Variants in ZDHHC17 observed in about 807,000 individuals in gnomAD.
ZDHHC17 encodes zDHHC palmitoyltransferase 17, also known as palmitoyltransferase ZDHHC17.
Under a neutral mutation model 90.3 loss-of-function variants are expected in ZDHHC17, and 40 were observed. That is an observed-to-expected ratio of 0.44 (90% CI 0.34 to 0.58). The LOEUF (loss-of-function observed/expected upper bound fraction) is 0.58, where lower values mean the gene tolerates loss of function less well. Ranked by LOEUF, ZDHHC17 falls within the 20% of genes least tolerant of loss-of-function variation. The pLI, the probability that ZDHHC17 is intolerant of heterozygous loss-of-function variation, is 0.01. For missense variants in ZDHHC17, 614 were observed against 780.8 expected (o/e 0.79, Z 2.55); for synonymous variants, 235 against 252.4 (o/e 0.93, Z 0.65).
chr12:76,792,183 G>C (rs991688727), intron 1 of ZDHHC17, among the ~76,000 whole-genome samples: 1 of 152,046 alleles, frequency 6.6e-6, no homozygotes, highest in East Asian at 1.9e-4. Context: ...TCCACTCCAG[G>C]TCACTTCATT....
At chr12:76,814,013 A>C (rs961970379) in intron 5 of ZDHHC17, among the ~76,000 whole-genome samples, 2 of 151,974 alleles carry the variant, frequency 1.3e-5, no homozygotes, top group African/African-American at 4.8e-5. Flanking sequence ...TCGATCATCT[A>C]CTCTGCTGGG....
chr12:76,810,053 GATA>G (rs1273330025), intron 5 of ZDHHC17, among the ~76,000 whole-genome samples, 196 bp downstream of exon 5: 1 of 152,116 alleles, frequency 6.6e-6, no homozygotes, highest in Non-Finnish European at 1.5e-5. Flanking sequence ...TCATGAACCA[GATA>G]ATGATGAAGT....
In ZDHHC17 at chr12:76,806,859, G is replaced by A. The variant is rs867644041; in HGVS notation, c.320+1420G>A. ...AAATGAACTACTTGCTATGTTAAGT[G>A]CAACACACGGAGTGTAGAGACAAGT... is the stretch of plus-strand genomic sequence containing the variant. On this transcript the variant is annotated intron_variant, in intron 3 of 16. Coordinates refer to ENST00000426126, the MANE Select transcript of ZDHHC17 (RefSeq NM_015336.4). Among the ~76,000 whole-genome samples the A allele has an allele frequency of 1.2e-4, 19 of 152,376 alleles. 1 individual carries two copies. In the Middle Eastern group the frequency reaches 0.014, roughly 109 times the overall value.
intron 1 of ZDHHC17, among the ~76,000 whole-genome samples, chr12:76,778,442 C>G (rs888239856): frequency 1.3e-5 from 2 of 152,104 alleles, no homozygotes; most frequent in African/African-American, 2.4e-5. Flanking sequence ...AGGCTGGTCT[C>G]AAACTCATGA....
At chr12:76,767,687 A>AGGCG (rs1952447110) in intron 1 of ZDHHC17, among the ~76,000 whole-genome samples, 1 of 152,182 alleles carries the variant, frequency 6.6e-6, no homozygotes, top group Non-Finnish European at 1.5e-5. Flanking sequence ...AGGGAGGCCG[A>AGGCG]GGCGGGCGGA....
Position 76,786,122 on chromosome 12 carries a change from CTT to C in ZDHHC17, c.94-11300_94-11299del, listed in dbSNP as rs36021075. ...TTCTTTTTCTTTCTTTTCTTTCTTT[CTT>C]TTTTTTTTTTTAAAGAGATGGGATC... On this transcript the variant is annotated intron_variant, in intron 1 of 16. Coordinates refer to ENST00000426126, the MANE Select transcript of ZDHHC17 (RefSeq NM_015336.4). 2.8e-3 allele frequency among the ~76,000 whole-genome samples: 408 copies of C among 144,676 alleles called. 1 individual carries two copies. Among genetic ancestry groups the C allele is most frequent in the African/African-American group, 8.6e-3 (341 of 39,448 alleles). 94.9% of individuals were successfully genotyped at this position (144,676 alleles called of 152,430 possible). A position where few individuals can be genotyped will look rare whatever the true frequency, so the allele number is the denominator to read the frequency against.
chr12:76,774,352 G>T (rs185581419), intron 1 of ZDHHC17, among the ~76,000 whole-genome samples: 2 of 146,418 alleles, frequency 1.4e-5, no homozygotes, highest in Admixed American at 6.8e-5. Flanking sequence ...ACACACACAC[G>T]CCCCCCCACC....
intron 1 of ZDHHC17, among the ~76,000 whole-genome samples, chr12:76,773,918 C>T (rs1225364840): frequency 1.3e-5 from 2 of 152,052 alleles, no homozygotes; most frequent in Admixed American, 1.3e-4. Context: ...TTCTTTTATT[C>T]AGTCTATTCT....
Position 76,841,978 on chromosome 12 carries a change from G to T in ZDHHC17, c.1142-4G>T. On this transcript the variant is annotated splice_region_variant and splice_polypyrimidine_tract_variant and intron_variant, in intron 10 of 16. Transcript: ENST00000426126. The stretch of plus-strand genomic sequence containing the variant: ...GCTTCTTTAGATTCCTTAACCTTAG[G>T]CACATCTCAACTTTTTATTTATCCA... 6.5e-7 allele frequency: 1 copy of T among 1,546,740 alleles called. No homozygotes were observed. Among genetic ancestry groups the T allele is most frequent in the Non-Finnish European group, 8.7e-7 (1 of 1,148,190 alleles).
chr12:76,766,505 A>G (rs1223435344), intron 1 of ZDHHC17, among the ~76,000 whole-genome samples: 1 of 152,214 alleles, frequency 6.6e-6, no homozygotes, highest in Non-Finnish European at 1.5e-5. Context: ...CTGAGATAAT[A>G]TGTTTTTGTT....
chr12:76,764,964 G>A (rs1952415243), intron 1 of ZDHHC17, among the ~76,000 whole-genome samples: 1 of 152,154 alleles, frequency 6.6e-6, no homozygotes. Context: ...AGGAGCTAGG[G>A]GTGGACAGTG....
At chr12:76,795,492 T>C (rs1016375360) in intron 1 of ZDHHC17, among the ~76,000 whole-genome samples, 4 of 152,176 alleles carry the variant, frequency 2.6e-5, no homozygotes, top group Admixed American at 2.6e-4. Context: ...TTCAGGTATC[T>C]TACAGCCATA....
intron 7 of ZDHHC17, among the ~76,000 whole-genome samples, chr12:76,819,860 G>T (rs1167014609): frequency 6.6e-6 from 1 of 152,076 alleles, no homozygotes; most frequent in African/African-American, 2.4e-5. Context: ...GGGCGTGGTG[G>T]TACATGTCTG....
At position 76,813,529 on chromosome 12, in the gene ZDHHC17, A is replaced by G. The variant is rs1240841292; in HGVS notation, c.544-1617A>G. ...GGTTCTCAGATTTTTTTTCTTCAAT[A>G]TGCTTAGATAATGTTCACATTTGAG... is the stretch of plus-strand genomic sequence containing the variant. On this transcript the variant is annotated intron_variant, in intron 5 of 16. Coordinates refer to ENST00000426126, the MANE Select transcript of ZDHHC17 (RefSeq NM_015336.4). 4 of 288,574 alleles carry G rather than the reference A, an allele frequency of 1.4e-5. 1 individual carries two copies. Among genetic ancestry groups the G allele is most frequent in the South Asian group, 8.8e-5 (3 of 34,262 alleles). 17.9% of individuals were successfully genotyped at this position (288,574 alleles called of 1,614,324 possible). A position where few individuals can be genotyped will look rare whatever the true frequency, so the allele number is the denominator to read the frequency against.
chr12:76,801,365 A>G (rs1482707425), intron 2 of ZDHHC17, among the ~76,000 whole-genome samples: 3 of 151,640 alleles, frequency 2.0e-5, no homozygotes, highest in African/African-American at 4.8e-5. Context: ...TTAACATCCT[A>G]AAGTTGGGCC....
At chr12:76,820,328 T>C (rs1953149440) in intron 7 of ZDHHC17, among the ~76,000 whole-genome samples, 7 of 152,206 alleles carry the variant, frequency 4.6e-5, no homozygotes, top group Admixed American at 4.6e-4. Flanking sequence ...ACAAATGATT[T>C]GGAATACTAA....
At chr12:76,831,645 T>C (rs1953302578) in intron 10 of ZDHHC17, among the ~76,000 whole-genome samples, 1 of 152,032 alleles carries the variant, frequency 6.6e-6, no homozygotes. Context: ...CCACTGTGCC[T>C]GGCCTGTGGT....
intron 1 of ZDHHC17, among the ~76,000 whole-genome samples, chr12:76,767,018 CAAAAAAA>C (rs375447750): frequency 1.2e-5 from 1 of 85,880 alleles, no homozygotes. Flanking sequence ...GATTATGTCT[CAAAAAAA>C]AAAAAAAAAG....
At chr12:76,835,058 CTTT>C (rs56119519) in intron 10 of ZDHHC17, among the ~76,000 whole-genome samples, 306 of 139,502 alleles carry the variant, frequency 2.2e-3, no homozygotes, top group African/African-American at 4.7e-3. Context: ...AGCCTTAGGC[CTTT>C]TTTTTTTTTT....
Sources: gnomAD v4.1 joint callset for allele counts (sites outside exome capture counted in the v4.1 genomes callset) on GRCh38, gnomAD v4.1.1 for gene constraint, MANE v1.5 for transcripts, NCBI Gene and HGNC (gene_info 2026-07-23, HGNC 2026-07-21) for gene names.